ADAMTS7: variants seen among roughly 807,000 people sequenced by gnomAD.
ADAMTS7 encodes the protein ADAM metallopeptidase with thrombospondin type 1 motif 7.
Under a neutral mutation model 172.6 loss-of-function variants are expected in ADAMTS7, and 89 were observed. That is an observed-to-expected ratio of 0.52 (90% CI 0.43 to 0.61). ADAMTS7 has a LOEUF of 0.61. Ranked by LOEUF, ADAMTS7 falls within the 20% of genes least tolerant of loss-of-function variation. ADAMTS7 has a pLI of 0.00. For missense variants in ADAMTS7, 1,973 were observed against 2,355.6 expected, an observed-to-expected ratio of 0.84 and a Z score of 3.36; for synonymous variants, 885 against 978.4, an observed-to-expected ratio of 0.90 and a Z score of 1.78.
Position 78,800,310 on chromosome 15 carries a change from C to T in ADAMTS7, c.338G>A (p.Arg113His). ...GATGTGCGCGCGGCCCAGGCCGCCG[C>T]GCCGCCGCGTCTCGCTCACAAAGCC... is the stretch of plus-strand genomic sequence containing the variant. ...APGFVSETRR[R>H]GGLGRAHIRA... The change falls in exon 2 of 24, where the codon CGC becomes CAC. Residue 113 changes from arginine (R) to histidine (H), a missense_variant. By Grantham distance (29) the Arg-to-His change is conservative. Transcript: ENST00000388820. 1 of 1,590,868 alleles carries T rather than the reference C, an allele frequency of 6.3e-7. No individual in the cohort carries two copies.
At chr15:78,764,125 C>A in intron 20 of ADAMTS7, 26 bp from the exon 21 acceptor site, 2 of 1,499,298 alleles carry the variant, frequency 1.3e-6, no homozygotes, top group Non-Finnish European at 1.8e-6. Flanking sequence ...CGTGTATGGA[C>A]ACATCCCCAT....
chr15:78,788,682 T>C (rs924992605), intron 7 of ADAMTS7, among the ~76,000 whole-genome samples: 1 of 152,234 alleles, frequency 6.6e-6, no homozygotes, highest in African/African-American at 2.4e-5. Flanking sequence ...GTGGCACAGA[T>C]GTGGGCCCGT....
At chr15:78,796,950 G>C (rs1425922504) in intron 3 of ADAMTS7, among the ~76,000 whole-genome samples, 164 bp from the exon 4 acceptor site, 2 of 152,242 alleles carry the variant, frequency 1.3e-5, no homozygotes, top group Non-Finnish European at 2.9e-5. Context: ...GATCTGTGCT[G>C]TGTGGCTCTG....
At chr15:78,767,318 T>A in intron 18 of ADAMTS7, 61 bp downstream of exon 18, 1 of 1,582,596 alleles carries the variant, frequency 6.3e-7, no homozygotes, top group Non-Finnish European at 8.6e-7. Context: ...GCTGTCTGCC[T>A]CCCTGTAGCT....
At chr15:78,802,957 A>C (rs1042235054) in intron 1 of ADAMTS7, among the ~76,000 whole-genome samples, 3 of 152,178 alleles carry the variant, frequency 2.0e-5, no homozygotes, top group Non-Finnish European at 4.4e-5. Context: ...AGATCGCATC[A>C]CTGCACTCCA....
chr15:78,776,863 C>T (rs1479504360), intron 9 of ADAMTS7, 22 bp from the exon 10 acceptor site: 2 of 1,525,744 alleles, frequency 1.3e-6, no homozygotes, highest in Non-Finnish European at 1.8e-6. Context: ...AGGGCATGGG[C>T]CATACCCTCA....
chr15:78,759,453 AG>A lies in ADAMTS7; in HGVS notation c.5028del (p.Ser1677ProfsTer38). Reference sequence around the variant, plus strand: ...CGGGCAACCCGCTGATGGCCTCGGGAGGGGGCGCCGTGGCTGGGCGGAGAGC... The same window carrying A: ...CGGGCAACCCGCTGATGGCCTCGGGAGGGGCGCCGTGGCTGGGCGGAGAGC... ...RSCSPPSHGAPSRGHQRVARR is the reference protein window; with the variant it reads ...RSCSPPSHGAXSRGHQRVARR On this transcript the variant is annotated frameshift_variant, in exon 24 of 24. Transcript: ENST00000388820. LOFTEE classifies it high-confidence loss of function. 1 of 1,595,764 alleles carries A rather than the reference AG, an allele frequency of 6.3e-7. No individual in the cohort carries two copies. Among genetic ancestry groups the A allele is most frequent in the Non-Finnish European group, 8.5e-7 (1 of 1,176,940 alleles).
chr15:78,791,766 A>ATTTC (rs2055584516), intron 4 of ADAMTS7, among the ~76,000 whole-genome samples: 2 of 152,146 alleles, frequency 1.3e-5, no homozygotes, highest in Non-Finnish European at 2.9e-5. Flanking sequence ...GAGCCTGCCC[A>ATTTC]CTGCTCTGCT....
rs781564145 is a variant in ADAMTS7 at position 78,796,710 on chromosome 15, T to C, written c.699A>G (p.Leu233=). 3.1e-6 allele frequency: 5 copies of C among 1,613,410 alleles called. No individual in the cohort carries two copies. The highest frequency in any genetic ancestry group is 4.2e-6 in the Non-Finnish European group (5 of 1,179,922). The change falls in exon 4 of 24, where the codon CTA becomes CTG. Residue 233 remains leucine (L), a synonymous_variant. Transcript: ENST00000388820. ...QQWRRPRLRR[L]HQRSVSKEKW... is the part of the protein sequence containing the mutation. ...TCTCTTTGCTGACCGACCGCTGGTGTAGACGCCTCAGCCGTGGCCGCCGCC... is the reference window on the plus strand; with the variant it reads ...TCTCTTTGCTGACCGACCGCTGGTGCAGACGCCTCAGCCGTGGCCGCCGCC...
chr15:78,809,930 A>C (rs1469395488), intron 1 of ADAMTS7, among the ~76,000 whole-genome samples: 4 of 152,274 alleles, frequency 2.6e-5, no homozygotes, highest in Admixed American at 2.6e-4. Context: ...GGTGCTCATT[A>C]AATGTTCGCT....
intron 16 of ADAMTS7, among the ~76,000 whole-genome samples, chr15:78,770,139 G>A (rs1458087993): frequency 6.6e-6 from 1 of 151,264 alleles, no homozygotes. Context: ...CTCCAGCCTG[G>A]GCAACAGAGT....
At chr15:78,763,251 G>A (rs538877291) in intron 22 of ADAMTS7, among the ~76,000 whole-genome samples, 1 of 152,216 alleles carries the variant, frequency 6.6e-6, no homozygotes, top group Non-Finnish European at 1.5e-5. Flanking sequence ...CCAGGACCCA[G>A]CTCAGGGCCC....
In ADAMTS7 at chr15:78,771,561, G is replaced by T. The variant is rs372130141; in HGVS notation, c.2376+24C>A. The T allele has an allele frequency of 2.1e-5, 34 of 1,581,508 alleles. No individual in the cohort carries two copies. In the African/African-American group the frequency reaches 3.4e-4, roughly 16 times the overall value. On this transcript the variant is annotated intron_variant, in intron 15 of 23. Transcript: ENST00000388820. The surrounding 1 kb of genome is among the most constrained non-coding windows in gnomAD (Gnocchi z 4.9). ...TGGGGACTCCGCCTCTGCTCCCCCC[G>T]CCTGGGCCACGGGAGGCAGGCACCT...
chr15:78,764,787 C>T, intron 19 of ADAMTS7, 80 bp from the exon 20 acceptor site: 3 of 1,379,960 alleles, frequency 2.2e-6, no homozygotes, highest in Non-Finnish European at 2.8e-6. Context: ...CCCACCTAGG[C>T]TAGCGAGACC....
intron 2 of ADAMTS7, among the ~76,000 whole-genome samples, chr15:78,798,327 C>A (rs2055673734): frequency 6.6e-6 from 1 of 152,206 alleles, no homozygotes; most frequent in Admixed American, 6.5e-5. Flanking sequence ...CACAGCCAAA[C>A]CTTCAAAGCG....
At position 78,811,253 on chromosome 15, in the gene ADAMTS7, C is replaced by T. The variant is rs1473352767; in HGVS notation, c.-33G>A. ...ACCGGGCGGCCGCCGGGTGACCCCG[C>T]GCGCACGCTCTCGTCCGTCCCGTCC... On this transcript the variant is annotated 5_prime_UTR_variant, in exon 1 of 24. Coordinates refer to ENST00000388820, the MANE Select transcript of ADAMTS7 (RefSeq NM_014272.5). The T allele has an allele frequency of 2.8e-5, 34 of 1,223,304 alleles. No individual in the cohort carries two copies. The East Asian group carries it at 9.0e-4, about 32-fold the overall frequency. 75.8% of individuals were successfully genotyped at this position (1,223,304 alleles called of 1,614,324 possible).
rs765492663 is a variant in ADAMTS7 at position 78,759,564 on chromosome 15, G to A, written c.4918C>T (p.Arg1640Cys). 5.0e-6 allele frequency: 8 copies of A among 1,588,118 alleles called. No homozygotes were observed. Among genetic ancestry groups the A allele is most frequent in the East Asian group, 2.3e-5 (1 of 44,156 alleles). Residue 1640 changes from arginine (R) to cysteine (C), a missense_variant, in exon 24 of 24, where the codon CGC becomes TGC. Arg to Cys is a radical substitution (Grantham distance 180). This residue lies in a region of ADAMTS7 where 94 missense variants were observed against 95.4 expected (regional missense o/e 0.99). Coordinates refer to ENST00000388820, the MANE Select transcript of ADAMTS7 (RefSeq NM_014272.5). ...GTCTCGCAGAACCCGAAGGACAGGC[G>A]GTCCCGCTCACAGCCTGGAGTGGGG... ...PVEPPRCERD[R>C]LSFGFCETLR...
At chr15:78,808,759 A>T (rs2055829093) in intron 1 of ADAMTS7, among the ~76,000 whole-genome samples, 1 of 152,224 alleles carries the variant, frequency 6.6e-6, no homozygotes, top group African/African-American at 2.4e-5. Context: ...GAGCCTGCAG[A>T]GTTCAAGTGA....
chr15:78,791,341 C>T, intron 4 of ADAMTS7, 118 bp from the exon 5 acceptor site: 2 of 755,824 alleles, frequency 2.6e-6, no homozygotes, highest in East Asian at 2.7e-5. Flanking sequence ...CACACAGGGA[C>T]TCTCACACTG....
Sources: gnomAD v4.1 joint callset for allele counts (sites outside exome capture counted in the v4.1 genomes callset) on GRCh38, gnomAD v4.1.1 for gene constraint, gnomAD v4.1.1 regional missense constraint, Gnocchi (gnomAD v3.1) non-coding constraint, MANE v1.5 for transcripts, NCBI Gene and HGNC (gene_info 2026-07-23, HGNC 2026-07-21) for gene names.